IQCJ: variants seen among roughly 807,000 people sequenced by gnomAD.
The protein encoded by IQCJ is IQ domain-containing protein J.
A neutral mutation model predicts 11.0 loss-of-function variants in IQCJ; 9 were observed. The observed-to-expected ratio is 0.82, with a 90% CI of 0.49 to 1.43. IQCJ has a LOEUF of 1.43. IQCJ is among the 40% of genes most tolerant of loss of function. The pLI, the probability that IQCJ is intolerant of heterozygous loss-of-function variation, is 0.00. For synonymous variants in IQCJ, 55 were observed against 51.3 expected (o/e 1.07, Z -0.31); for missense variants, 146 against 133.2 (o/e 1.10, Z -0.47).
At chr3:159,231,288 A>G (rs2108152459) in intron 1 of IQCJ, among the ~76,000 whole-genome samples, 1 of 152,346 alleles carries the variant, frequency 6.6e-6, no homozygotes, top group South Asian at 2.1e-4. Context: ...AGACATTTCA[A>G]GAGGAGATGA....
At chr3:159,090,176 G>A (rs9870274) in intron 1 of IQCJ, among the ~76,000 whole-genome samples, 139,372 of 151,592 alleles carry the variant, frequency 0.92, 64,303 homozygotes, top group East Asian at 1. Flanking sequence ...GGAGTACTGG[G>A]CCCTGTGAGG....
intron 1 of IQCJ, among the ~76,000 whole-genome samples, chr3:159,168,155 T>C (rs1026273030): frequency 6.6e-6 from 1 of 152,136 alleles, no homozygotes; most frequent in Non-Finnish European, 1.5e-5. Context: ...TCAAAGTACA[T>C]CTGCAGAAGT....
At position 159,072,252 on chromosome 3, in the gene IQCJ, A is replaced by G. The variant is rs538808836; in HGVS notation, c.9+2811A>G. On this transcript the variant is annotated intron_variant, in intron 1 of 3. Coordinates refer to ENST00000397832, the MANE Select transcript of IQCJ (RefSeq NM_001042706.3). The stretch of plus-strand genomic sequence containing the variant: ...GAGCATTTTCCAATAGAGAAGAACA[A>G]TCACAGTTAGGGTGGGGAGGGCATG... Among the ~76,000 whole-genome samples the G allele has an allele frequency of 3.3e-5, 5 of 152,224 alleles. No individual in the cohort carries two copies. In the South Asian group the frequency reaches 6.2e-4, roughly 19 times the overall value.
chr3:159,108,421 T>C (rs1439117083), intron 1 of IQCJ, among the ~76,000 whole-genome samples: 1 of 152,168 alleles, frequency 6.6e-6, no homozygotes, highest in Non-Finnish European at 1.5e-5. Flanking sequence ...TATTCAAAAG[T>C]AAAGGCAGTG....
At chr3:159,189,776 A>T (rs1288774344) in intron 1 of IQCJ, among the ~76,000 whole-genome samples, 1 of 152,156 alleles carries the variant, frequency 6.6e-6, no homozygotes, top group African/African-American at 2.4e-5. Flanking sequence ...GAGGTGTCTG[A>T]TCTTCTGTGG....
chr3:159,122,237 C>G (rs1396891090), intron 1 of IQCJ, among the ~76,000 whole-genome samples: 1 of 152,152 alleles, frequency 6.6e-6, no homozygotes, highest in Non-Finnish European at 1.5e-5. Flanking sequence ...GGCCTCACAT[C>G]CCAATACCAT....
intron 1 of IQCJ, among the ~76,000 whole-genome samples, chr3:159,196,688 G>T (rs1449028137): frequency 1.3e-5 from 2 of 152,188 alleles, no homozygotes; most frequent in Middle Eastern, 3.4e-3. Flanking sequence ...CTCTTTCTTA[G>T]TTCCCAGTCT....
chr3:159,182,033 A>C (rs913777822), intron 1 of IQCJ, among the ~76,000 whole-genome samples: 1 of 151,920 alleles, frequency 6.6e-6, no homozygotes, highest in Non-Finnish European at 1.5e-5. Flanking sequence ...ACCCCTGCAC[A>C]CTGGCCTTGT....
At chr3:159,223,214 A>G (rs1725648843) in intron 1 of IQCJ, among the ~76,000 whole-genome samples, 1 of 152,116 alleles carries the variant, frequency 6.6e-6, no homozygotes, top group South Asian at 2.1e-4. Context: ...GATGAGAGAG[A>G]TGTGAGCCTA....
chr3:159,252,341 C>G (rs982616255), intron 2 of IQCJ, among the ~76,000 whole-genome samples: 3 of 152,218 alleles, frequency 2.0e-5, no homozygotes, highest in Non-Finnish European at 4.4e-5. Context: ...GGCAGTGGTA[C>G]TACTGGGGAT....
At chr3:159,218,121 T>A (rs948165041) in intron 1 of IQCJ, among the ~76,000 whole-genome samples, 3 of 151,976 alleles carry the variant, frequency 2.0e-5, no homozygotes. Context: ...TAGACAAGTC[T>A]CATAAACAAT....
chr3:159,221,473 G>A (rs1403254091), intron 1 of IQCJ, among the ~76,000 whole-genome samples: 2 of 152,100 alleles, frequency 1.3e-5, no homozygotes, highest in Non-Finnish European at 2.9e-5. Context: ...GGGCCTGAAG[G>A]TAATTGCCCT....
chr3:159,187,963 T>C (rs1000283847), intron 1 of IQCJ, among the ~76,000 whole-genome samples: 1 of 152,092 alleles, frequency 6.6e-6, no homozygotes. Flanking sequence ...TGAGAACTCT[T>C]CCACCGGCGC....
intron 1 of IQCJ, among the ~76,000 whole-genome samples, chr3:159,105,284 A>T (rs1267958940): frequency 6.6e-6 from 1 of 152,336 alleles, no homozygotes; most frequent in South Asian, 2.1e-4. Flanking sequence ...GGACTCAAGT[A>T]TGGCTTTTTC....
At position 159,262,685 on chromosome 3, in the gene IQCJ, T is replaced by C; in HGVS notation, c.293T>C (p.Val98Ala). 1 of 1,613,882 alleles carries C rather than the reference T, an allele frequency of 6.2e-7. No homozygotes were observed. Among genetic ancestry groups the C allele is most frequent in the Non-Finnish European group, 8.5e-7 (1 of 1,179,810 alleles). ...ACCTTCTCCGACAGCAGCACACCCG[T>C]GAGTGTCATGTTTCTTTTTCTATGT... ...MNTFSDSSTP[V>A]SVMFLFLCPD... The change falls in exon 4 of 4, where the codon GTG (valine) becomes GCG (alanine). Residue 98 changes from valine (V) to alanine (A), a missense_variant. By Grantham distance (64) the Val-to-Ala change is moderately conservative (BLOSUM62 0). Transcript: ENST00000397832.
chr3:159,240,023 T>C (rs563327912), intron 1 of IQCJ, among the ~76,000 whole-genome samples: 1 of 152,232 alleles, frequency 6.6e-6, no homozygotes, highest in African/African-American at 2.4e-5. Context: ...AGACAATATA[T>C]GACCTAGATC....
At chr3:159,148,499 C>G (rs965763778) in intron 1 of IQCJ, among the ~76,000 whole-genome samples, 7 of 152,084 alleles carry the variant, frequency 4.6e-5, no homozygotes, top group African/African-American at 1.4e-4. Flanking sequence ...GGGATATTCT[C>G]GAAAGAATCT....
intron 1 of IQCJ, among the ~76,000 whole-genome samples, chr3:159,114,542 C>T (rs1404456195): frequency 2.1e-5 from 2 of 95,960 alleles, no homozygotes; most frequent in African/African-American, 7.5e-5. Flanking sequence ...AACTCCTGAC[C>T]TCCAGTGATC....
At chr3:159,195,084 C>G (rs1357393160) in intron 1 of IQCJ, among the ~76,000 whole-genome samples, 4 of 149,462 alleles carry the variant, frequency 2.7e-5, no homozygotes, top group Non-Finnish European at 5.9e-5. Context: ...GCACTCTAGC[C>G]TGGGTGACAG....
Sources: gnomAD v4.1 joint callset for allele counts (sites outside exome capture counted in the v4.1 genomes callset) on GRCh38, gnomAD v4.1.1 for gene constraint, MANE v1.5 for transcripts, NCBI Gene and HGNC (gene_info 2026-07-23, HGNC 2026-07-21) for gene names.